The following BRAT1 variants were observed in gnomAD, a reference collection of about 807,000 sequenced individuals.
BRAT1 encodes the protein BRCA1 associated ATM activator 1.
Under a neutral mutation model 70.6 loss-of-function variants are expected in BRAT1, and 74 were observed. The observed-to-expected ratio is 1.05, with a 90% confidence interval of 0.87 to 1.27. BRAT1 has a LOEUF of 1.27. BRAT1 is among the 50% of genes most tolerant of loss of function. The pLI is 0.00. For missense variants in BRAT1, 1,203 were observed against 1,098.2 expected (o/e 1.10, Z -1.35); for synonymous variants, 615 against 517.1 (o/e 1.19, Z -2.57).
chr7:2,554,979 G>C (rs569811212), intron 1 of BRAT1, among the ~76,000 whole-genome samples: 20 of 149,320 alleles, frequency 1.3e-4, no homozygotes, highest in Admixed American at 5.3e-4. Context: ...CCCTCTCAGG[G>C]TCAGTGGTGG....
In BRAT1 at chr7:2,543,207, T is replaced by G. The variant is rs778881636; in HGVS notation, c.920A>C (p.His307Pro). Residue 307 changes from histidine (H) to proline (P), a missense_variant, in exon 6 of 14, where the codon CAC becomes CCC. Coordinates refer to ENST00000340611, the MANE Select transcript of BRAT1 (RefSeq NM_152743.4). The surrounding 1 kb of genome is among the most constrained non-coding windows in gnomAD (Gnocchi z 5.5). Reference protein sequence around the residue: ...PLALGILKLEHCPQALRTQAF... With the variant: ...PLALGILKLEPCPQALRTQAF... Reference sequence around the variant, plus strand: ...TGAAATGCACCCCAGACCATACCAGTGCTCGAGCTTCAGGATCCCCAAAGC... The same window carrying G: ...TGAAATGCACCCCAGACCATACCAGGGCTCGAGCTTCAGGATCCCCAAAGC... 1.9e-5 allele frequency: 30 copies of G among 1,604,444 alleles called. No individual in the cohort carries two copies. Among genetic ancestry groups the G allele is most frequent in the Non-Finnish European group, 2.1e-5 (25 of 1,175,706 alleles).
At chr7:2,542,450 C>T in intron 6 of BRAT1, 3 of 560,872 alleles carry the variant, frequency 5.3e-6, no homozygotes, top group South Asian at 4.1e-5. Flanking sequence ...ACTGAGGGGC[C>T]TCCAGGAGGG....
intron 12 of BRAT1, 60 bp from the exon 13 acceptor site, chr7:2,539,411 C>G: frequency 6.5e-7 from 1 of 1,547,916 alleles, no homozygotes; most frequent in Admixed American, 1.9e-5. Flanking sequence ...TCGCCTCGGC[C>G]TCTGCCTCCA....
chr7:2,547,245 C>T, intron 3 of BRAT1, 79 bp downstream of exon 3: 1 of 1,555,096 alleles, frequency 6.4e-7, no homozygotes, highest in Non-Finnish European at 8.8e-7. Flanking sequence ...GTGATGGCTA[C>T]AAATGCCCCA....
chr7:2,548,185 G>A (rs890140554), intron 2 of BRAT1, among the ~76,000 whole-genome samples: 1 of 151,994 alleles, frequency 6.6e-6, no homozygotes, highest in Non-Finnish European at 1.5e-5. Context: ...AGGTACAATG[G>A]AACAAACATT....
chr7:2,553,641 ATTACT>A (rs1780198779), intron 2 of BRAT1, among the ~76,000 whole-genome samples: 1 of 151,332 alleles, frequency 6.6e-6, no homozygotes, highest in Admixed American at 6.6e-5. Flanking sequence ...AAGAACATGT[ATTACT>A]TTGTTTTTTT....
In BRAT1 at chr7:2,539,327, A is replaced by G. The variant is rs769442469; in HGVS notation, c.1622T>C (p.Leu541Pro). 3.1e-6 allele frequency: 5 copies of G among 1,611,048 alleles called. No homozygotes were observed. The Admixed American group carries it at 8.3e-5, about 27-fold the overall frequency. ...CAGCTGAGGCACCTCTGAAGCCAAG[A>G]GTGCGCATCTGAAGTCAGCCTGTCC... ...WGGQADFRCALLASEVPQLAL... is the reference protein window; with the variant it reads ...WGGQADFRCAPLASEVPQLAL... The change falls in exon 13 of 14, where the codon CTC becomes CCC. Residue 541 changes from leucine (L) to proline (P), a missense_variant. Leu to Pro is a moderately conservative substitution (Grantham distance 98). Coordinates refer to ENST00000340611, the MANE Select transcript of BRAT1 (RefSeq NM_152743.4).
chr7:2,539,443 T>C (rs1778970162), intron 12 of BRAT1, 92 bp from the exon 13 acceptor site: 2 of 1,508,456 alleles, frequency 1.3e-6, no homozygotes, highest in Non-Finnish European at 1.8e-6. Flanking sequence ...GCAGCCGACA[T>C]GGCCCAAGTT....
At chr7:2,548,014 G>A (rs1779740574) in intron 2 of BRAT1, among the ~76,000 whole-genome samples, 1 of 151,014 alleles carries the variant, frequency 6.6e-6, no homozygotes, top group Non-Finnish European at 1.5e-5. Context: ...AACCTGGGAG[G>A]CAGAGGCTGC....
chr7:2,549,573 A>ACTTT lies in BRAT1; in HGVS notation c.128-2096_128-2095insAAAG, dbSNP rs1239616257. Among the ~76,000 whole-genome samples the ACTTT allele has an allele frequency of 3.2e-4, 49 of 152,352 alleles. No homozygotes were observed. In the East Asian group the frequency reaches 9.3e-3, roughly 29 times the overall value. On this transcript the variant is annotated intron_variant, in intron 2 of 13. Coordinates refer to ENST00000340611, the MANE Select transcript of BRAT1 (RefSeq NM_152743.4). ...ATCTGATGGAGGGCAGAAAAGGAGG[A>ACTTT]TAAAGGCACAAAGGTAAGGCACAGG...
Position 2,541,706 on chromosome 7 carries a change from G to GGCCGCACCTACCAGCGGCT in BRAT1, c.1127_1134+11dup, listed in dbSNP as rs1171667531. 17 of 1,600,796 alleles carry GGCCGCACCTACCAGCGGCT rather than the reference G, an allele frequency of 1.1e-5. No individual in the cohort carries two copies. The highest frequency in any genetic ancestry group is 1.4e-5 in the Non-Finnish European group (17 of 1,175,356). On this transcript the variant is annotated intron_variant, in intron 8 of 13. Transcript: ENST00000340611. ...ATGCTGCTGGGCTGCATGAGGACCG[G>GGCCGCACCTACCAGCGGCT]GCCGCACCTACCAGCGGCTGCAGCT...
chr7:2,544,933 CGCTGGGGT>C lies in BRAT1; in HGVS notation c.398_405del (p.His133ArgfsTer55), dbSNP rs760389988. The C allele has an allele frequency of 2.4e-5, 37 of 1,553,028 alleles. No individual in the cohort carries two copies. The highest frequency in any genetic ancestry group is 3.0e-5 in the Non-Finnish European group (35 of 1,148,448). On this transcript the variant is annotated frameshift_variant, in exon 4 of 14. Coordinates refer to ENST00000340611, the MANE Select transcript of BRAT1 (RefSeq NM_152743.4). LOFTEE classifies it high-confidence loss of function. Reference sequence around the variant, plus strand: ...CCATGGTCGGCCAGGAAGCGCAGGGCGCTGGGGTGCTGTGCCAGGGAGCGCAGGCCCTG... The same window carrying C: ...CCATGGTCGGCCAGGAAGCGCAGGGCGCTGTGCCAGGGAGCGCAGGCCCTG...
At chr7:2,551,479 C>T (rs1346870610) in intron 2 of BRAT1, among the ~76,000 whole-genome samples, 1 of 151,532 alleles carries the variant, frequency 6.6e-6, no homozygotes, top group African/African-American at 2.4e-5. Context: ...CTGCTTGAGC[C>T]CAGGAGTTCC....
rs764709405 is a variant in BRAT1 at position 2,539,215 on chromosome 7, G to A, written c.1734C>T (p.His578=). The A allele has an allele frequency of 5.4e-5, 87 of 1,609,982 alleles. No homozygotes were observed. The highest frequency in any genetic ancestry group is 2.1e-4 in the Middle Eastern group (1 of 4,668). The change falls in exon 13 of 14, where the codon CAC becomes CAT. Residue 578 remains histidine (H), a synonymous_variant. Transcript: ENST00000340611. ...AMGQLSSQGL[H]APTSPEHAEA... is the part of the protein sequence containing the mutation. Reference sequence around the variant, plus strand: ...CTGCATGCTCAGGGCTGGTGGGGGCGTGCAGGCCCTGGCTGGACAGCTGCC... The same window carrying A: ...CTGCATGCTCAGGGCTGGTGGGGGCATGCAGGCCCTGGCTGGACAGCTGCC...
At chr7:2,539,076 G>C (rs1778930562) in intron 13 of BRAT1, 103 bp downstream of exon 13, 2 of 1,486,496 alleles carry the variant, frequency 1.3e-6, no homozygotes, top group African/African-American at 1.4e-5. Flanking sequence ...CACAGCAGCA[G>C]CTGCTCCCAC....
In BRAT1 at chr7:2,539,645, A is replaced by C. The variant is rs1474969050; in HGVS notation, c.1499-3T>G. ...TTTCTGCAGCACAGGGAACAGCTCT[A>C]GGGTGGGAAGGGACAGGTCAGGGTG... On this transcript the variant is annotated splice_polypyrimidine_tract_variant and splice_region_variant and intron_variant, in intron 11 of 13. Coordinates refer to ENST00000340611, the MANE Select transcript of BRAT1 (RefSeq NM_152743.4). 2.5e-6 allele frequency: 4 copies of C among 1,588,062 alleles called. No individual in the cohort carries two copies. The highest frequency in any genetic ancestry group is 3.4e-6 in the Non-Finnish European group (4 of 1,166,406).
intron 7 of BRAT1, 121 bp from the exon 8 acceptor site, chr7:2,541,957 C>T (rs1779206298): frequency 8.0e-7 from 1 of 1,256,692 alleles, no homozygotes; most frequent in Admixed American, 2.1e-5. Flanking sequence ...CAGCAGCTCA[C>T]CAGGGGAGAT....
chr7:2,552,107 T>TATATATATATATATATATC (rs1491344376), intron 2 of BRAT1, among the ~76,000 whole-genome samples: 1 of 15,138 alleles, frequency 6.6e-5, no homozygotes, highest in Non-Finnish European at 1.1e-4. Context: ...TATATATATA[T>TATATATATATATATATATC]TTTTTTTTTT....
At position 2,543,463 on chromosome 7, in the gene BRAT1, C is replaced by G; in HGVS notation, c.803+127G>C. The G allele has an allele frequency of 1.4e-6, 2 of 1,480,956 alleles. No homozygotes were observed. Among genetic ancestry groups the G allele is most frequent in the South Asian group, 2.8e-5 (2 of 72,126 alleles). 91.7% of individuals were successfully genotyped at this position (1,480,956 alleles called of 1,614,324 possible). A position where few individuals can be genotyped will look rare whatever the true frequency, so the allele number is the denominator to read the frequency against. ...TTCCCCATGAGGGTTCCAGGGTCACCCCGGTGCCGCTTCACTGCAGGCCAT... is the reference window on the plus strand; with the variant it reads ...TTCCCCATGAGGGTTCCAGGGTCACGCCGGTGCCGCTTCACTGCAGGCCAT... On this transcript the variant is annotated intron_variant, in intron 5 of 13. Transcript: ENST00000340611. The surrounding 1 kb of genome is among the most constrained non-coding windows in gnomAD (Gnocchi z 5.5).
Sources: gnomAD v4.1 joint callset for allele counts (sites outside exome capture counted in the v4.1 genomes callset) on GRCh38, gnomAD v4.1.1 for gene constraint, Gnocchi (gnomAD v3.1) non-coding constraint, MANE v1.5 for transcripts, NCBI Gene and HGNC (gene_info 2026-07-23, HGNC 2026-07-21) for gene names.